Variants in AFAP1 observed in about 807,000 individuals in gnomAD.
The protein encoded by AFAP1 is actin filament associated protein 1, also known as actin filament-associated protein 1.
In AFAP1, 75 loss-of-function variants were observed where a neutral mutation model predicts 93.9. The observed-to-expected ratio is 0.80, with a 90% confidence interval of 0.66 to 0.97. The LOEUF (loss-of-function observed/expected upper bound fraction) is 0.97, where lower values mean the gene tolerates loss of function less well. Ranked by LOEUF, AFAP1 falls within the 50% of genes least tolerant of loss-of-function variation. The probability of loss-of-function intolerance (pLI) is 0.00; values close to 1 mark genes in which losing one functional copy is unlikely to be tolerated. For synonymous variants in AFAP1, 517 were observed against 430.7 expected (o/e 1.20, Z -2.48); for missense variants, 1,201 against 1,050.8 (o/e 1.14, Z -1.98).
At chr4:7,827,981 A>C (rs36020433) in intron 6 of AFAP1, among the ~76,000 whole-genome samples, 26,104 of 152,192 alleles carry the variant, frequency 0.17, 2,595 homozygotes, top group Non-Finnish European at 0.23. Context: ...AGGAAATGAA[A>C]GTGACTGAAC....
chr4:7,782,403 GTGCCA>G (rs1716867991), intron 12 of AFAP1, among the ~76,000 whole-genome samples: 1 of 152,220 alleles, frequency 6.6e-6, no homozygotes, highest in Non-Finnish European at 1.5e-5. Flanking sequence ...ACTGAAGAAA[GTGCCA>G]CAACCAACAC....
In AFAP1 at chr4:7,781,574, C is replaced by G; in HGVS notation, c.1584G>C (p.Glu528Asp). The G allele has an allele frequency of 6.4e-7, 1 of 1,551,858 alleles. No individual in the cohort carries two copies. Among genetic ancestry groups the G allele is most frequent in the Non-Finnish European group, 8.7e-7 (1 of 1,147,046 alleles). Residue 528 changes from glutamate (E) to aspartate (D), a missense_variant, in exon 13 of 18, where the codon GAG (glutamate) becomes GAC (aspartate). Physicochemically the swap from Glu to Asp is conservative, Grantham distance 45 (BLOSUM62 2). Transcript: ENST00000420658. ...ACAGGCCTGCGTTATCATAAAGCAC[C>G]TCTTCTCCCAAGCCTCTGCTGCAGG... ...PASCSRGLGE[E>D]VLYDNAGLYD...
rs544642895 is a variant in AFAP1 at position 7,844,759 on chromosome 4, G to T, written c.335-1409C>A. On this transcript the variant is annotated intron_variant, in intron 4 of 17. Coordinates refer to ENST00000420658, the MANE Select transcript of AFAP1 (RefSeq NM_001134647.2). ...AAGGTCTTCCTAAATACCAGCGCCC[G>T]TCATTCCTCTCATTACTTTCAGCTG... Among the ~76,000 whole-genome samples, 142 of 152,348 alleles carry T rather than the reference G, an allele frequency of 9.3e-4. 2 individuals are homozygous for T. Among genetic ancestry groups the T allele is most frequent in the Non-Finnish European group, 1.0e-3 (71 of 68,044 alleles).
rs944743078 is a variant in AFAP1, at chr4:7,781,478, A to C, written c.1680T>G (p.Ser560=). 6 of 1,552,204 alleles carry C rather than the reference A, an allele frequency of 3.9e-6. No homozygotes were observed. Among genetic ancestry groups the C allele is most frequent in the Middle Eastern group, 1.7e-4 (1 of 5,996 alleles). ...SPADRKASRL[S]ADKLSSNHYK... is the part of the protein sequence containing the mutation. The stretch of plus-strand genomic sequence containing the variant: ...AATGGTTAGAGGACAGCTTGTCAGC[A>C]GACAGCCTAGAGGCCTTTCTGTCAG... The change falls in exon 13 of 18, where the codon TCT becomes TCG. Residue 560 remains serine, a synonymous_variant. Transcript: ENST00000420658.
rs1553844336 is a variant in AFAP1 at position 7,840,267 on chromosome 4, T to TGTGTGTGTGTGTGC, written c.547-1565_547-1564insGCACACACACACAC. The stretch of plus-strand genomic sequence containing the variant: ...CTTTCTGGTTTGTTTTTGGGATGTG[T>TGTGTGTGTGTGTGC]GTGTGTGTGTGTGTGTGTGTTCCTG... On this transcript the variant is annotated intron_variant, in intron 5 of 17. Coordinates refer to ENST00000420658, the MANE Select transcript of AFAP1 (RefSeq NM_001134647.2). Among the ~76,000 whole-genome samples the TGTGTGTGTGTGTGC allele has an allele frequency of 9.1e-3, 1,318 of 144,894 alleles. 14 individuals are homozygous for TGTGTGTGTGTGTGC. The highest frequency in any genetic ancestry group is 0.033 in the African/African-American group (1,229 of 37,434).
chr4:7,916,108 T>C (rs879732687), intron 1 of AFAP1, among the ~76,000 whole-genome samples: 1 of 152,122 alleles, frequency 6.6e-6, no homozygotes, highest in African/African-American at 2.4e-5. Context: ...GGTGTTCAGA[T>C]ACCAGGAGCA....
At chr4:7,869,648 T>A (rs1031806640) in intron 2 of AFAP1, among the ~76,000 whole-genome samples, 1 of 152,178 alleles carries the variant, frequency 6.6e-6, no homozygotes, top group African/African-American at 2.4e-5. Flanking sequence ...GTACTATTTG[T>A]ATGCCTAACA....
chr4:7,901,657 A>T (rs1335322831), intron 1 of AFAP1, among the ~76,000 whole-genome samples: 2 of 152,234 alleles, frequency 1.3e-5, no homozygotes, highest in Admixed American at 6.5e-5. Context: ...AGGACCTGTG[A>T]TGAGAACGGA....
chr4:7,899,146 C>T (rs2149215448), intron 1 of AFAP1, among the ~76,000 whole-genome samples: 1 of 152,024 alleles, frequency 6.6e-6, no homozygotes, highest in Non-Finnish European at 1.5e-5. Context: ...TTTTAATAGA[C>T]AGATGCATTG....
chr4:7,837,555 C>A (rs1484696604), intron 6 of AFAP1, among the ~76,000 whole-genome samples: 2 of 152,198 alleles, frequency 1.3e-5, no homozygotes, highest in Non-Finnish European at 2.9e-5. Flanking sequence ...ATAAGCCACT[C>A]AGTTTATCAT....
intron 9 of AFAP1, among the ~76,000 whole-genome samples, chr4:7,804,802 T>G (rs1354669431): frequency 3.3e-5 from 5 of 152,332 alleles, no homozygotes; most frequent in Admixed American, 3.3e-4. Context: ...CCAATGTAAC[T>G]GTTCATTATA....
chr4:7,838,508 ACAG>A lies in AFAP1; in HGVS notation c.726+13_726+15del, dbSNP rs1383357281. 1.9e-6 allele frequency: 3 copies of A among 1,601,692 alleles called. No homozygotes were observed. Among genetic ancestry groups the A allele is most frequent in the Non-Finnish European group, 2.6e-6 (3 of 1,173,678 alleles). ...TGTGGAACTGAAATGGCTGTGAAAC[ACAG>A]CAGACAACCTACCTTCAGCCACTGC... On this transcript the variant is annotated intron_variant, in intron 6 of 17. Transcript: ENST00000420658.
At chr4:7,913,085 A>G (rs1719858681) in intron 1 of AFAP1, among the ~76,000 whole-genome samples, 1 of 152,160 alleles carries the variant, frequency 6.6e-6, no homozygotes, top group Non-Finnish European at 1.5e-5. Context: ...CCTAGGCTCA[A>G]GTCATCATCC....
At chr4:7,805,284 T>C (rs1719404435) in intron 9 of AFAP1, among the ~76,000 whole-genome samples, 1 of 152,146 alleles carries the variant, frequency 6.6e-6, no homozygotes, top group Non-Finnish European at 1.5e-5. Flanking sequence ...AATCCTGCCA[T>C]TGAAAGAGCT....
intron 6 of AFAP1, among the ~76,000 whole-genome samples, chr4:7,827,715 C>T (rs1165404363): frequency 6.6e-6 from 1 of 151,804 alleles, no homozygotes; most frequent in Non-Finnish European, 1.5e-5. Flanking sequence ...AAAACCCACA[C>T]CACCGCACTG....
chr4:7,859,591 C>T (rs906956096), intron 3 of AFAP1, among the ~76,000 whole-genome samples: 10 of 152,116 alleles, frequency 6.6e-5, no homozygotes, highest in African/African-American at 2.4e-4. Context: ...CTCAAATTCA[C>T]TAAAATATTT....
intron 5 of AFAP1, among the ~76,000 whole-genome samples, chr4:7,840,320 GTGTGT>G (rs1474002970): frequency 2.1e-5 from 3 of 145,662 alleles, no homozygotes; most frequent in Non-Finnish European, 4.6e-5. Context: ...GTGTGTGTGT[GTGTGT>G]GTGTTTGAGA....
At chr4:7,807,025 C>T (rs13109291) in intron 9 of AFAP1, among the ~76,000 whole-genome samples, 29,419 of 152,092 alleles carry the variant, frequency 0.19, 3,396 homozygotes, top group African/African-American at 0.32. Context: ...GGGTCAGAGG[C>T]TGTCTCTGTT....
intron 6 of AFAP1, among the ~76,000 whole-genome samples, chr4:7,830,856 G>A (rs1448287622): frequency 6.6e-6 from 1 of 151,990 alleles, no homozygotes; most frequent in African/African-American, 2.4e-5. Context: ...TGATCCTCCC[G>A]CCTTGCCCTC....
Sources: gnomAD v4.1 joint callset for allele counts (sites outside exome capture counted in the v4.1 genomes callset) on GRCh38, gnomAD v4.1.1 for gene constraint, MANE v1.5 for transcripts, NCBI Gene and HGNC (gene_info 2026-07-23, HGNC 2026-07-21) for gene names.